F11: variants seen among roughly 807,000 people sequenced by gnomAD.
The protein encoded by F11 is coagualtion factor XI.
F11 carries 78 observed loss-of-function variants against 76.5 expected under a neutral mutation model. That is an observed-to-expected ratio of 1.02 (90% CI 0.85 to 1.23). F11 has a LOEUF of 1.23. Among genes scored for constraint, F11 ranks in the 50% most tolerant of loss-of-function variants. F11 has a pLI of 0.00. For synonymous variants in F11, 278 were observed against 276.3 expected (o/e 1.01, Z -0.06); for missense variants, 742 against 771.4 (o/e 0.96, Z 0.45).
At chr4:186,276,490 G>A in intron 7 of F11, 100 bp downstream of exon 7, 2 of 1,348,180 alleles carry the variant, frequency 1.5e-6, no homozygotes, top group Non-Finnish European at 2.1e-6. Flanking sequence ...TACTCTAAAT[G>A]TCAGTATAGG....
rs554713191 is a variant in F11, at chr4:186,276,606, A to G, written c.755+216A>G. Among the ~76,000 whole-genome samples, 1,785 of 57,328 alleles carry G rather than the reference A, an allele frequency of 0.031. 42 individuals are homozygous for G. Among genetic ancestry groups the G allele is most frequent in the African/African-American group, 0.12 (1,690 of 14,596 alleles). The allele number at this position is 57,328 out of a possible 152,430, so 37.6% of individuals were successfully genotyped here. A position where few individuals can be genotyped will look rare whatever the true frequency, so the allele number is the denominator to read the frequency against. ...TCTTTTTTTTTTTTTTTTTTTTTTG[A>G]GATGGAGTCTCGCTCTGCTGCCCAG... On this transcript the variant is annotated intron_variant, in intron 7 of 14. Coordinates refer to ENST00000403665, the MANE Select transcript of F11 (RefSeq NM_000128.4).
chr4:186,286,512 TA>T lies in F11; in HGVS notation c.1576+7del, dbSNP rs1172208863. ...GATGGGGGTACAGAAAACTAAGAGGTAAAAATGATGTTGTTATATGTGCTCC... is the reference window on the plus strand; with the variant it reads ...GATGGGGGTACAGAAAACTAAGAGGTAAAATGATGTTGTTATATGTGCTCC... On this transcript the variant is annotated splice_donor_region_variant and intron_variant, in intron 13 of 14. Coordinates refer to ENST00000403665, the MANE Select transcript of F11 (RefSeq NM_000128.4). The T allele has an allele frequency of 6.2e-7, 1 of 1,613,374 alleles. No individual in the cohort carries two copies. The highest frequency in any genetic ancestry group is 1.3e-5 in the African/African-American group (1 of 74,980).
chr4:186,266,643 T>C (rs1487646916), intron 1 of F11, among the ~76,000 whole-genome samples: 1 of 152,224 alleles, frequency 6.6e-6, no homozygotes, highest in Non-Finnish European at 1.5e-5. Flanking sequence ...AATAGATTTA[T>C]AGGTGACCAA....
intron 11 of F11, 40 bp downstream of exon 11, chr4:186,284,300 C>T (rs1309847136): frequency 6.7e-7 from 1 of 1,494,004 alleles, no homozygotes; most frequent in African/African-American, 1.4e-5. Flanking sequence ...ATCTTCTTCA[C>T]ACATTTATAA....
chr4:186,286,309 T>G lies in F11; in HGVS notation c.1481-106T>G, dbSNP rs1029227585. The G allele has an allele frequency of 8.1e-6, 9 of 1,106,896 alleles. No homozygotes were observed. In the African/African-American group the frequency reaches 1.4e-4, roughly 17 times the overall value. 68.6% of individuals were successfully genotyped at this position (1,106,896 alleles called of 1,614,324 possible). A position where few individuals can be genotyped will look rare whatever the true frequency, so the allele number is the denominator to read the frequency against. ...ACGACAACAAGGCAAAAAATGAATA[T>G]AGTAAACAAAGAAAACACAGATAAT... On this transcript the variant is annotated intron_variant, in intron 12 of 14. Transcript: ENST00000403665.
intron 5 of F11, 186 bp downstream of exon 5, chr4:186,274,461 G>A (rs1740221591): frequency 1.5e-6 from 1 of 687,302 alleles, no homozygotes; most frequent in Non-Finnish European, 2.5e-6. Flanking sequence ...TTTCATTTAT[G>A]GTAAGGAGTC....
chr4:186,271,679 C>A lies in F11; in HGVS notation c.126C>A (p.Ser42Arg). The change falls in exon 3 of 15, where the codon AGC becomes AGA. Residue 42 changes from serine to arginine, a missense_variant. Coordinates refer to ENST00000403665, the MANE Select transcript of F11 (RefSeq NM_000128.4). ...GGDITTVFTP[S>R]AKYCQVVCTY... Reference sequence around the variant, plus strand: ...ACATTACTACGGTCTTCACACCAAGCGCCAAGTACTGCCAGGTAGTCTGCA... The same window carrying A: ...ACATTACTACGGTCTTCACACCAAGAGCCAAGTACTGCCAGGTAGTCTGCA... 6.2e-7 allele frequency: 1 copy of A among 1,614,146 alleles called. No homozygotes were observed. Among genetic ancestry groups the A allele is most frequent in the Non-Finnish European group, 8.5e-7 (1 of 1,180,012 alleles).
chr4:186,267,629 A>G (rs1434585112), intron 2 of F11, among the ~76,000 whole-genome samples: 1 of 152,214 alleles, frequency 6.6e-6, no homozygotes, highest in Non-Finnish European at 1.5e-5. Flanking sequence ...TACCCTGTTA[A>G]TTCTCCACCC....
chr4:186,287,592 A>ATG (rs1491205113), intron 13 of F11, 92 bp from the exon 14 acceptor site: 2 of 250,436 alleles, frequency 8.0e-6, no homozygotes, highest in African/African-American at 9.0e-5. Context: ...TCAATTAAAA[A>ATG]TATATATATA....
chr4:186,289,041 G>A lies in F11; in HGVS notation c.*427G>A. 5.5e-6 allele frequency: 1 copy of A among 181,802 alleles called. No individual in the cohort carries two copies. 11.3% of individuals were successfully genotyped at this position (181,802 alleles called of 1,614,324 possible). ...GAACAAAGACAGTCTTCACCATTTT[G>A]CAGGAATCTACACTCTGCCTATGTG... On this transcript the variant is annotated 3_prime_UTR_variant, in exon 15 of 15. Coordinates refer to ENST00000403665, the MANE Select transcript of F11 (RefSeq NM_000128.4).
Position 186,274,497 on chromosome 4 carries a change from AAT to A in F11, c.485+230_485+231del. ...TATCTTTTAATAACACTGTCAGAAA[AAT>A]ATATATACTTGGCTAATTTCAAAAG... On this transcript the variant is annotated intron_variant, in intron 5 of 14. Coordinates refer to ENST00000403665, the MANE Select transcript of F11 (RefSeq NM_000128.4). 1.0e-5 allele frequency: 6 copies of A among 590,414 alleles called. No individual in the cohort carries two copies. In the South Asian group the frequency reaches 1.2e-4, roughly 12 times the overall value. The allele number at this position is 590,414 out of a possible 1,614,324, so 36.6% of individuals were successfully genotyped here.
Position 186,287,719 on chromosome 4 carries a change from C to G in F11, c.1612C>G (p.Pro538Ala), listed in dbSNP as rs1301875020. 1 of 1,613,080 alleles carries G rather than the reference C, an allele frequency of 6.2e-7. No individual in the cohort carries two copies. The highest frequency in any genetic ancestry group is 8.5e-7 in the Non-Finnish European group (1 of 1,179,668). Residue 538 changes from proline to alanine, a missense_variant, in exon 14 of 15, where the codon CCC (proline) becomes GCC (alanine). Physicochemically the swap from Pro to Ala is conservative, Grantham distance 27. Transcript: ENST00000403665. Reference sequence around the variant, plus strand: ...AAATACTCTCCAGAAAGCCAAGATACCCTTAGTGACCAACGAAGAGTGCCA... The same window carrying G: ...AAATACTCTCCAGAAAGCCAAGATAGCCTTAGTGACCAACGAAGAGTGCCA... Reference protein sequence around the residue: ...IQNTLQKAKIPLVTNEECQKR... With the variant: ...IQNTLQKAKIALVTNEECQKR...
intron 11 of F11, 72 bp downstream of exon 11, chr4:186,284,332 GAAAT>G (rs776991690): frequency 1.5e-6 from 2 of 1,350,824 alleles, no homozygotes; most frequent in Non-Finnish European, 2.1e-6. Context: ...AGCATGTTAG[GAAAT>G]AAATACTTTA....
chr4:186,273,667 G>A (rs2126728843), intron 4 of F11, among the ~76,000 whole-genome samples: 1 of 152,244 alleles, frequency 6.6e-6, no homozygotes, highest in East Asian at 1.9e-4. Context: ...TGCCCAGGCT[G>A]GTCTCAAACT....
chr4:186,274,493 G>GA (rs1740224371), intron 5 of F11: 2 of 594,434 alleles, frequency 3.4e-6, no homozygotes, highest in South Asian at 4.0e-5. Context: ...AACACTGTCA[G>GA]AAAAATATAT....
At chr4:186,281,936 G>A (rs1338456230) in intron 10 of F11, 9 of 1,283,260 alleles carry the variant, frequency 7.0e-6, no homozygotes, top group Non-Finnish European at 8.2e-6. Context: ...CCTTCCTAGA[G>A]CTTAGAGGCG....
In F11 at chr4:186,280,514, A is replaced by C; in HGVS notation, c.1069A>C (p.Thr357Pro). The change falls in exon 10 of 15, where the codon ACT becomes CCT. Residue 357 changes from threonine (T) to proline (P), a missense_variant. By Grantham distance (38) the Thr-to-Pro change is conservative. Coordinates refer to ENST00000403665, the MANE Select transcript of F11 (RefSeq NM_000128.4). Reference sequence around the variant, plus strand: ...AAAGCTTTCTTCAAACGGATCTCCAACTAAAATACTTCACGGGAGAGGAGG... The same window carrying C: ...AAAGCTTTCTTCAAACGGATCTCCACCTAAAATACTTCACGGGAGAGGAGG... ...YLKLSSNGSP[T>P]KILHGRGGIS... The C allele has an allele frequency of 6.2e-7, 1 of 1,614,214 alleles. No homozygotes were observed. Among genetic ancestry groups the C allele is most frequent in the South Asian group, 1.1e-5 (1 of 91,078 alleles).
chr4:186,288,699 C>A lies in F11; in HGVS notation c.*85C>A. On this transcript the variant is annotated 3_prime_UTR_variant, in exon 15 of 15. Coordinates refer to ENST00000403665, the MANE Select transcript of F11 (RefSeq NM_000128.4). Reference sequence around the variant, plus strand: ...TTGAGTTCACTGTGCCAGCATGCTTCCTCCACAGTAACACGCTGAAGGGGC... The same window carrying A: ...TTGAGTTCACTGTGCCAGCATGCTTACTCCACAGTAACACGCTGAAGGGGC... 1 of 1,428,816 alleles carries A rather than the reference C, an allele frequency of 7.0e-7. No individual in the cohort carries two copies. Among genetic ancestry groups the A allele is most frequent in the Non-Finnish European group, 9.7e-7 (1 of 1,032,892 alleles). The allele number at this position is 1,428,816 out of a possible 1,614,324, so 88.5% of individuals were successfully genotyped here. A position where few individuals can be genotyped will look rare whatever the true frequency, so the allele number is the denominator to read the frequency against.
At chr4:186,283,840 G>A (rs1740974000) in intron 10 of F11, among the ~76,000 whole-genome samples, 1 of 152,174 alleles carries the variant, frequency 6.6e-6, no homozygotes, top group South Asian at 2.1e-4. Context: ...ATTTGAAGGA[G>A]GGTAAGACAG....
Sources: gnomAD v4.1 joint callset for allele counts (sites outside exome capture counted in the v4.1 genomes callset) on GRCh38, gnomAD v4.1.1 for gene constraint, MANE v1.5 for transcripts, NCBI Gene and HGNC (gene_info 2026-07-23, HGNC 2026-07-21) for gene names.